Variants in SEC23IP observed in about 807,000 individuals in gnomAD.
The protein encoded by SEC23IP is SEC23-interacting protein.
SEC23IP carries 70 observed loss-of-function variants against 113.4 expected under a neutral mutation model. That is an observed-to-expected ratio of 0.62 (90% CI 0.51 to 0.75). SEC23IP has a LOEUF of 0.75. SEC23IP is among the 30% of genes least tolerant of loss of function. SEC23IP has a pLI of 0.00. For missense variants in SEC23IP, 1,160 were observed against 1,204.9 expected, an observed-to-expected ratio of 0.96 and a Z score of 0.55; for synonymous variants, 398 against 421.0, an observed-to-expected ratio of 0.95 and a Z score of 0.67.
chr10:119,912,765 C>A (rs906636647), intron 6 of SEC23IP, among the ~76,000 whole-genome samples: 1 of 151,680 alleles, frequency 6.6e-6, no homozygotes, highest in Non-Finnish European at 1.5e-5. Flanking sequence ...CTCAGCCTCC[C>A]GAGTAGCTGG....
chr10:119,926,271 T>C (rs371537275), intron 13 of SEC23IP, 44 bp downstream of exon 13: 14 of 1,505,700 alleles, frequency 9.3e-6, no homozygotes, highest in Non-Finnish European at 1.3e-5. Context: ...CATGTTGGAA[T>C]CATAATCTTT....
At position 119,918,052 on chromosome 10, in the gene SEC23IP, T is replaced by C; in HGVS notation, c.1753+8T>C. On this transcript the variant is annotated splice_region_variant and intron_variant, in intron 9 of 18. Coordinates refer to ENST00000369075, the MANE Select transcript of SEC23IP (RefSeq NM_007190.4). ...TTGCTGGTCACAGTTTAGGTAAAAC[T>C]GTCAAATATTCACATTTTAAATACA... is the stretch of plus-strand genomic sequence containing the variant. 6.2e-7 allele frequency: 1 copy of C among 1,605,084 alleles called. No homozygotes were observed. The highest frequency in any genetic ancestry group is 8.5e-7 in the Non-Finnish European group (1 of 1,173,028).
rs376576338 is a variant in SEC23IP, at chr10:119,933,082, C to T, written c.2836C>T (p.Arg946Cys). 63 of 1,613,736 alleles carry T rather than the reference C, an allele frequency of 3.9e-5. No homozygotes were observed. Among genetic ancestry groups the T allele is most frequent in the African/African-American group, 6.7e-5 (5 of 74,908 alleles). Residue 946 changes from arginine to cysteine, a missense_variant, in exon 17 of 19, where the codon CGC (arginine) becomes TGC (cysteine). Coordinates refer to ENST00000369075, the MANE Select transcript of SEC23IP (RefSeq NM_007190.4). Reference protein sequence around the residue: ...LGKVGMLNGGRRIDYVLQEKP... With the variant: ...LGKVGMLNGGCRIDYVLQEKP... ...AAAGGTTGGAATGTTAAATGGAGGCCGCCGAATTGACTACGTTCTCCAAGA... is the reference window on the plus strand; with the variant it reads ...AAAGGTTGGAATGTTAAATGGAGGCTGCCGAATTGACTACGTTCTCCAAGA...
At chr10:119,903,101 T>A in intron 3 of SEC23IP, 92 bp downstream of exon 3, 1 of 1,066,542 alleles carries the variant, frequency 9.4e-7, no homozygotes, top group Non-Finnish European at 1.4e-6. Flanking sequence ...GAATGTCAAA[T>A]ACCTTAATCC....
chr10:119,907,126 G>C (rs1440223361), intron 4 of SEC23IP, among the ~76,000 whole-genome samples: 1 of 151,642 alleles, frequency 6.6e-6, no homozygotes, highest in East Asian at 2.0e-4. Context: ...GTAAAACCCT[G>C]TCTCTACTAA....
At position 119,915,875 on chromosome 10, in the gene SEC23IP, C is replaced by T; in HGVS notation, c.1530C>T (p.Ala510=). 2 of 1,570,082 alleles carry T rather than the reference C, an allele frequency of 1.3e-6. No individual in the cohort carries two copies. Among genetic ancestry groups the T allele is most frequent in the South Asian group, 2.5e-5 (2 of 81,334 alleles). The change falls in exon 8 of 19, where the codon GCC becomes GCT. Residue 510 remains alanine (A), a synonymous_variant. Coordinates refer to ENST00000369075, the MANE Select transcript of SEC23IP (RefSeq NM_007190.4). ...VHWHSSLGGD[A]TGVDRNIKKI... ...GGCATAGTTCTTTGGGTGGGGACGC[C>T]ACAGGTGTGGACAGGTTTGTGGATT...
intron 15 of SEC23IP, 147 bp downstream of exon 15, chr10:119,930,578 A>G (rs1422264108): frequency 2.1e-6 from 1 of 477,884 alleles, no homozygotes; most frequent in African/African-American, 2.0e-5. Context: ...AAGAATTTGG[A>G]AGAGCTTTAA....
At chr10:119,913,496 C>CTTT (rs558792370) in intron 6 of SEC23IP, among the ~76,000 whole-genome samples, 10 of 144,412 alleles carry the variant, frequency 6.9e-5, no homozygotes, top group South Asian at 4.4e-4. Flanking sequence ...TTCCATAAAG[C>CTTT]TTTTTTTTTT....
At position 119,914,838 on chromosome 10, in the gene SEC23IP, G is replaced by A. The variant is rs1023084983; in HGVS notation, c.1402+19G>A. The A allele has an allele frequency of 3.8e-6, 6 of 1,597,898 alleles. No homozygotes were observed. Among genetic ancestry groups the A allele is most frequent in the Non-Finnish European group, 5.1e-6 (6 of 1,165,524 alleles). ...GAGTGTGGTAAGTGTTGGGTATATT[G>A]TATTTCATGGGATGATCTGAGAACT... On this transcript the variant is annotated intron_variant, in intron 7 of 18. Transcript: ENST00000369075.
chr10:119,894,036 C>A (rs1271240993), intron 1 of SEC23IP, among the ~76,000 whole-genome samples: 1 of 152,198 alleles, frequency 6.6e-6, no homozygotes, highest in African/African-American at 2.4e-5. Context: ...TGCTGTGTGA[C>A]TGTAGGCATT....
In SEC23IP at chr10:119,933,148, C is replaced by G. The variant is rs1018267885; in HGVS notation, c.2902C>G (p.Gln968Glu). 46 of 1,613,840 alleles carry G rather than the reference C, an allele frequency of 2.9e-5. No homozygotes were observed. The highest frequency in any genetic ancestry group is 4.0e-5 in the African/African-American group (3 of 74,928). Residue 968 changes from glutamine (Q) to glutamate (E), a missense_variant, in exon 17 of 19, where the codon CAG (glutamine) becomes GAG (glutamate). Physicochemically the swap from Gln to Glu is conservative, Grantham distance 29. Coordinates refer to ENST00000369075, the MANE Select transcript of SEC23IP (RefSeq NM_007190.4). ...TTTTAATGAATACCTTTTCGCTCTTCAGAGTCACTTATGCTATTGGTAAGT... is the reference window on the plus strand; with the variant it reads ...TTTTAATGAATACCTTTTCGCTCTTGAGAGTCACTTATGCTATTGGTAAGT... ...ESFNEYLFAL[Q>E]SHLCYWESED...
chr10:119,918,127 A>G (rs1253613815), intron 9 of SEC23IP, 83 bp downstream of exon 9: 15 of 1,108,828 alleles, frequency 1.4e-5, no homozygotes, highest in Middle Eastern at 2.3e-4. Flanking sequence ...TTGTTAGTGC[A>G]AAATTAAGAA....
At chr10:119,902,132 T>C (rs1226396413) in intron 2 of SEC23IP, among the ~76,000 whole-genome samples, 1 of 152,164 alleles carries the variant, frequency 6.6e-6, no homozygotes, top group Admixed American at 6.5e-5. Flanking sequence ...CAAGGCGGGC[T>C]GGTCACTTGA....
intron 18 of SEC23IP, among the ~76,000 whole-genome samples, chr10:119,938,427 G>T (rs1426427494): frequency 6.6e-6 from 1 of 152,096 alleles, no homozygotes; most frequent in African/African-American, 2.4e-5. Context: ...GTAGTTGCTT[G>T]CTTTTATCCC....
At chr10:119,898,003 T>C (rs1854334159) in intron 1 of SEC23IP, among the ~76,000 whole-genome samples, 2 of 129,440 alleles carry the variant, frequency 1.5e-5, no homozygotes, top group South Asian at 6.3e-4. Flanking sequence ...AGACGCCGTC[T>C]CAAAAAAAAA....
intron 17 of SEC23IP, 118 bp from the exon 18 acceptor site, chr10:119,933,568 A>G (rs1431281142): frequency 7.9e-6 from 5 of 635,056 alleles, no homozygotes; most frequent in East Asian, 5.5e-5. Flanking sequence ...TTACATTGCT[A>G]TCATTTGCCC....
intron 18 of SEC23IP, among the ~76,000 whole-genome samples, chr10:119,936,354 C>T (rs1438102807): frequency 1.3e-5 from 2 of 151,592 alleles, no homozygotes; most frequent in South Asian, 2.1e-4. Context: ...GTCAGGAGTT[C>T]GAGACCAGCC....
chr10:119,925,893 A>AT (rs1855403018), intron 12 of SEC23IP, 143 bp from the exon 13 acceptor site: 2 of 731,130 alleles, frequency 2.7e-6, no homozygotes, highest in South Asian at 4.4e-5. Flanking sequence ...ATAAAAAGGC[A>AT]TTTTTTAAAG....
At chr10:119,907,918 C>T (rs539184425) in intron 4 of SEC23IP, among the ~76,000 whole-genome samples, 4 of 152,260 alleles carry the variant, frequency 2.6e-5, no homozygotes, top group Non-Finnish European at 5.9e-5. Context: ...CACCACTGTA[C>T]TCCAGACTGG....
Sources: allele counts gnomAD v4.1 joint callset (sites outside exome capture counted in the v4.1 genomes callset), GRCh38; gene constraint gnomAD v4.1.1; transcripts MANE v1.5; gene names NCBI Gene and HGNC (gene_info 2026-07-23, HGNC 2026-07-21).